The following PI4KA variants were observed in gnomAD, a reference collection of about 807,000 sequenced individuals.
PI4KA encodes PI4-kinase alpha.
A neutral mutation model predicts 271.4 loss-of-function variants in PI4KA; 122 were observed. The ratio of observed to expected loss-of-function variants is 0.45; its 90% CI spans 0.39 to 0.52. The LOEUF is 0.52. Ranked by LOEUF, PI4KA falls within the 20% of genes least tolerant of loss-of-function variation. PI4KA has a pLI of 0.00. For synonymous variants in PI4KA, 1,041 were observed against 1,078.8 expected, an observed-to-expected ratio of 0.96 and a Z score of 0.69; for missense variants, 1,969 against 2,769.1, an observed-to-expected ratio of 0.71 and a Z score of 6.48.
At chr22:20,795,966 C>T (rs930905483) in intron 18 of PI4KA, among the ~76,000 whole-genome samples, 180 bp downstream of exon 18, 1 of 152,170 alleles carries the variant, frequency 6.6e-6, no homozygotes, top group Admixed American at 6.5e-5. Context: ...CTGCCCTCTC[C>T]CCTGATCCCC....
chr22:20,722,335 C>T (rs1347133317), intron 42 of PI4KA, among the ~76,000 whole-genome samples: 2 of 152,112 alleles, frequency 1.3e-5, no homozygotes, highest in Non-Finnish European at 2.9e-5. Flanking sequence ...TACAGGCGCA[C>T]ACCACCACAT....
intron 23 of PI4KA, among the ~76,000 whole-genome samples, chr22:20,760,182 C>A (rs999473389): frequency 2.0e-5 from 3 of 152,166 alleles, no homozygotes; most frequent in African/African-American, 7.2e-5. Context: ...AATAAGCATG[C>A]CTCAAAGAAT....
chr22:20,829,096 G>A (rs957171210), intron 3 of PI4KA, among the ~76,000 whole-genome samples: 1 of 152,114 alleles, frequency 6.6e-6, no homozygotes, highest in African/African-American at 2.4e-5. Context: ...TTGCATCTAT[G>A]TTCATCTATT....
chr22:20,715,895 G>C (rs1016092844), intron 45 of PI4KA, among the ~76,000 whole-genome samples: 1 of 151,422 alleles, frequency 6.6e-6, no homozygotes, highest in African/African-American at 2.4e-5. Context: ...TTCTTTTCTT[G>C]TTTTTGCTTT....
chr22:20,787,146 CTGGCA>C, intron 19 of PI4KA: 1 of 1,304,594 alleles, frequency 7.7e-7, no homozygotes, highest in Non-Finnish European at 1.1e-6. Context: ...CAGAGATGTT[CTGGCA>C]TCATTTACGT....
At chr22:20,799,444 C>T (rs1935168948) in intron 15 of PI4KA, among the ~76,000 whole-genome samples, 168 bp from the exon 16 acceptor site, 1 of 152,094 alleles carries the variant, frequency 6.6e-6, no homozygotes, top group South Asian at 2.1e-4. Context: ...ACATAAGCCC[C>T]AGGCACTAGT....
At chr22:20,784,569 C>T (rs917567109) in intron 19 of PI4KA, among the ~76,000 whole-genome samples, 1 of 152,144 alleles carries the variant, frequency 6.6e-6, no homozygotes, top group East Asian at 1.9e-4. Context: ...CCATTACTTC[C>T]CCGGGTCACT....
At chr22:20,739,318 G>A (rs1159066779) in intron 32 of PI4KA, among the ~76,000 whole-genome samples, 1 of 147,000 alleles carries the variant, frequency 6.8e-6, no homozygotes, top group Non-Finnish European at 1.5e-5. Context: ...CAGCCTGGGT[G>A]ACAGAGCGAG....
chr22:20,802,159 C>G (rs1314061446), intron 13 of PI4KA, 54 bp from the exon 14 acceptor site: 28 of 1,536,676 alleles, frequency 1.8e-5, no homozygotes, highest in Non-Finnish European at 2.4e-5. Context: ...TTTTCCATCA[C>G]CTTCTTTGTA....
chr22:20,742,186 T>A (rs1311229923), intron 32 of PI4KA, 42 bp downstream of exon 32: 1 of 1,601,984 alleles, frequency 6.2e-7, no homozygotes, highest in East Asian at 2.2e-5. Flanking sequence ...CCGTCTGTTA[T>A]CCCATCCCAT....
intron 8 of PI4KA, among the ~76,000 whole-genome samples, chr22:20,812,861 C>G (rs1250967687): frequency 1.3e-5 from 2 of 152,170 alleles, no homozygotes; most frequent in African/African-American, 4.8e-5. Flanking sequence ...ACCAGGGTCC[C>G]TGAATCTGAC....
At position 20,711,160 on chromosome 22, in the gene PI4KA, G is replaced by T. The variant is rs564799902; in HGVS notation, c.5923+181C>A. Reference sequence around the variant, plus strand: ...GCTCTCGCCCTAGCTCCCTGGGGCCGGGGCCAGGCACCCTCTACAGCAGAA... The same window carrying T: ...GCTCTCGCCCTAGCTCCCTGGGGCCTGGGCCAGGCACCCTCTACAGCAGAA... On this transcript the variant is annotated intron_variant, in intron 51 of 54. Transcript: ENST00000255882. The T allele has an allele frequency of 2.0e-4, 109 of 538,574 alleles. No individual in the cohort carries two copies. The African/African-American group carries it at 2.4e-3, about 12-fold the overall frequency. 33.4% of individuals were successfully genotyped at this position (538,574 alleles called of 1,614,324 possible).
chr22:20,724,823 T>C (rs1927157425), intron 42 of PI4KA, among the ~76,000 whole-genome samples: 1 of 151,898 alleles, frequency 6.6e-6, no homozygotes, highest in Middle Eastern at 3.4e-3. Flanking sequence ...TAGGCCTGTA[T>C]GCAAGCAGAG....
At chr22:20,785,949 TC>T in intron 19 of PI4KA, 1 of 1,612,566 alleles carries the variant, frequency 6.2e-7, no homozygotes, top group Non-Finnish European at 8.5e-7. Context: ...AAATCATGAT[TC>T]TTTTGTAACT....
At chr22:20,758,459 CTTTTTTTTTTTTT>C (rs35401829) in intron 23 of PI4KA, among the ~76,000 whole-genome samples, 1 of 85,036 alleles carries the variant, frequency 1.2e-5, no homozygotes, top group South Asian at 4.3e-4. Flanking sequence ...TCTTTCTTTT[CTTTTTTTTTTTTT>C]TTTTTGCTCA....
intron 23 of PI4KA, among the ~76,000 whole-genome samples, chr22:20,756,938 G>GT (rs1274877560): frequency 6.6e-6 from 1 of 152,066 alleles, no homozygotes; most frequent in Non-Finnish European, 1.5e-5. Context: ...CCTAAGGTAA[G>GT]TAAGATTTTT....
chr22:20,718,577 T>C (rs543362504), intron 44 of PI4KA, 116 bp downstream of exon 44: 1 of 1,224,508 alleles, frequency 8.2e-7, no homozygotes, highest in South Asian at 1.2e-5. Flanking sequence ...CTAGAGACTC[T>C]CATTCATCTG....
intron 19 of PI4KA, among the ~76,000 whole-genome samples, chr22:20,782,768 T>G (rs1428833337): frequency 6.6e-6 from 1 of 152,146 alleles, no homozygotes; most frequent in Non-Finnish European, 1.5e-5. Context: ...CACCCTACCA[T>G]GCACAGGGCA....
At chr22:20,837,986 T>C (rs1270347359) in intron 2 of PI4KA, among the ~76,000 whole-genome samples, 1 of 151,962 alleles carries the variant, frequency 6.6e-6, no homozygotes, top group Non-Finnish European at 1.5e-5. Context: ...CCAGGAGTGG[T>C]GGCTGGTGCC....
Sources: gnomAD v4.1 joint callset for allele counts (sites outside exome capture counted in the v4.1 genomes callset) on GRCh38, gnomAD v4.1.1 for gene constraint, MANE v1.5 for transcripts, NCBI Gene and HGNC (gene_info 2026-07-23, HGNC 2026-07-21) for gene names.